PGAP4: variants seen among roughly 807,000 people sequenced by gnomAD.
PGAP4 encodes the protein GPI-N-acetylgalactosamine transferase PGAP4.
In PGAP4, 12 loss-of-function variants were observed where a neutral mutation model predicts 28.2. The observed-to-expected ratio is 0.42, with a 90% CI of 0.27 to 0.69. The LOEUF (loss-of-function observed/expected upper bound fraction) is 0.69. Ranked by LOEUF, PGAP4 falls within the 30% of genes least tolerant of loss-of-function variation. PGAP4 has a pLI of 0.22. For synonymous variants in PGAP4, 205 were observed against 211.8 expected (o/e 0.97, Z 0.28); for missense variants, 425 against 513.5 (o/e 0.83, Z 1.67).
intron 2 of PGAP4, among the ~76,000 whole-genome samples, chr9:101,503,597 A>G (rs1826822489): frequency 6.6e-6 from 1 of 152,036 alleles, no homozygotes; most frequent in African/African-American, 2.4e-5. Flanking sequence ...TTTTCAGATT[A>G]GAACCCCAAA....
At chr9:101,528,296 G>A (rs1827053782) in intron 2 of PGAP4, among the ~76,000 whole-genome samples, 1 of 152,056 alleles carries the variant, frequency 6.6e-6, no homozygotes, top group South Asian at 2.1e-4. Flanking sequence ...GCTTGTATGG[G>A]GAGGGGTCTC....
At chr9:101,505,920 G>A (rs1002459669) in intron 2 of PGAP4, among the ~76,000 whole-genome samples, 9 of 152,094 alleles carry the variant, frequency 5.9e-5, no homozygotes, top group African/African-American at 2.2e-4. Context: ...CTTAGAATAA[G>A]ATAAAAAACA....
chr9:101,518,098 A>G (rs1004337730), intron 2 of PGAP4, among the ~76,000 whole-genome samples: 1 of 151,902 alleles, frequency 6.6e-6, no homozygotes, highest in Admixed American at 6.6e-5. Context: ...CGTGTACTCA[A>G]TGTTTAACTT....
intron 2 of PGAP4, among the ~76,000 whole-genome samples, chr9:101,515,060 G>T (rs1249195864): frequency 6.6e-6 from 1 of 152,150 alleles, no homozygotes; most frequent in Non-Finnish European, 1.5e-5. Context: ...TACTGCTGTT[G>T]TAACAAATCA....
intron 2 of PGAP4, among the ~76,000 whole-genome samples, chr9:101,529,921 C>T (rs536805121): frequency 6.6e-6 from 1 of 152,214 alleles, no homozygotes; most frequent in Non-Finnish European, 1.5e-5. Flanking sequence ...TTCAGCAAGT[C>T]TAGAGCAAGG....
intron 2 of PGAP4, among the ~76,000 whole-genome samples, chr9:101,528,692 T>C (rs986152673): frequency 6.6e-6 from 1 of 151,672 alleles, no homozygotes; most frequent in Non-Finnish European, 1.5e-5. Flanking sequence ...ATCATAGAAA[T>C]ACAAATGATA....
At chr9:101,503,823 A>G (rs1230871402) in intron 2 of PGAP4, among the ~76,000 whole-genome samples, 3 of 152,072 alleles carry the variant, frequency 2.0e-5, no homozygotes, top group Non-Finnish European at 4.4e-5. Context: ...AATTGTGGTA[A>G]GAAGAGTTTG....
At chr9:101,531,022 T>C (rs1169268808) in intron 2 of PGAP4, among the ~76,000 whole-genome samples, 1 of 152,120 alleles carries the variant, frequency 6.6e-6, no homozygotes, top group Non-Finnish European at 1.5e-5. Context: ...AAGACTAACC[T>C]CCCCTGAGCA....
At chr9:101,503,822 A>G (rs374678100) in intron 2 of PGAP4, among the ~76,000 whole-genome samples, 4 of 152,054 alleles carry the variant, frequency 2.6e-5, no homozygotes, top group African/African-American at 9.7e-5. Context: ...CAATTGTGGT[A>G]AGAAGAGTTT....
At chr9:101,507,613 A>G (rs78838448) in intron 2 of PGAP4, among the ~76,000 whole-genome samples, 3,028 of 152,266 alleles carry the variant, frequency 0.02, 41 homozygotes, top group Non-Finnish European at 0.031. Context: ...TAATAAGGGC[A>G]TTACAAAATA....
At chr9:101,478,350 G>T (rs1381977536) in intron 1 of PGAP4, among the ~76,000 whole-genome samples, 1 of 152,190 alleles carries the variant, frequency 6.6e-6, no homozygotes, top group Admixed American at 6.5e-5. Flanking sequence ...AAAACTAAAT[G>T]GTGTCTGCAG....
upstream of PGAP4, among the ~76,000 whole-genome samples, chr9:101,491,740 T>C (rs768867829): frequency 1.5e-3 from 227 of 147,572 alleles, 4 homozygotes; most frequent in Non-Finnish European, 1.3e-3. Context: ...ATTAACTATA[T>C]GTATAAACTC....
intron 2 of PGAP4, among the ~76,000 whole-genome samples, chr9:101,513,478 A>G (rs954798162): frequency 6.6e-5 from 10 of 152,180 alleles, no homozygotes; most frequent in African/African-American, 2.4e-4. Context: ...ACACACTTGA[A>G]TTTTTAACAA....
intron 1 of PGAP4, among the ~76,000 whole-genome samples, chr9:101,532,278 G>GAA (rs1220114966): frequency 8.5e-5 from 8 of 94,486 alleles, no homozygotes; most frequent in Admixed American, 3.2e-4. Context: ...TCGAAAAAAA[G>GAA]AAAAAAAAAA....
chr9:101,489,777 A>T (rs1826669937), upstream of PGAP4, among the ~76,000 whole-genome samples: 1 of 152,172 alleles, frequency 6.6e-6, no homozygotes, highest in Non-Finnish European at 1.5e-5. Flanking sequence ...AGGAGGCATA[A>T]ACAGAAGATA....
At chr9:101,509,569 A>G (rs548500433) in intron 2 of PGAP4, among the ~76,000 whole-genome samples, 2 of 152,278 alleles carry the variant, frequency 1.3e-5, no homozygotes, top group South Asian at 4.1e-4. Context: ...TTCTGTATAT[A>G]AGAGAAGGCC....
chr9:101,512,930 T>C (rs983282241), intron 2 of PGAP4, among the ~76,000 whole-genome samples: 2 of 152,152 alleles, frequency 1.3e-5, no homozygotes, highest in African/African-American at 4.8e-5. Flanking sequence ...TGACTCACCT[T>C]TTTAGGAAGC....
chr9:101,481,155 T>C (rs1929481), intron 1 of PGAP4, among the ~76,000 whole-genome samples: 1 of 152,096 alleles, frequency 6.6e-6, no homozygotes, highest in Non-Finnish European at 1.5e-5. Flanking sequence ...TCCAGCCTGG[T>C]TGACAGAGAA....
chr9:101,514,753 A>G (rs1420475124), intron 2 of PGAP4, among the ~76,000 whole-genome samples: 1 of 152,196 alleles, frequency 6.6e-6, no homozygotes, highest in Non-Finnish European at 1.5e-5. Flanking sequence ...CACCTCTCTC[A>G]TCCTACCCAC....
Sources: allele counts gnomAD v4.1 joint callset (sites outside exome capture counted in the v4.1 genomes callset), GRCh38; gene constraint gnomAD v4.1.1; transcripts MANE v1.5; gene names NCBI Gene and HGNC (gene_info 2026-07-23, HGNC 2026-07-21).